The following FAM90A20 variants were observed in gnomAD, a reference collection of about 807,000 sequenced individuals.
The protein encoded by FAM90A20 is protein FAM90A20.
the FAM90A20 span, chr8:7,297,465 G>C: frequency 6.5e-7 from 1 of 1,548,338 alleles, no homozygotes; most frequent in Admixed American, 1.7e-5. Flanking sequence ...CACAGCTTGG[G>C]CCTAGGCTCC....
the FAM90A20 span, chr8:7,297,039 C>T: frequency 6.8e-7 from 1 of 1,473,044 alleles, no homozygotes; most frequent in Non-Finnish European, 9.0e-7. Flanking sequence ...AACTTCTAAC[C>T]TGTGTTGTTT....
At chr8:7,297,094 C>G in the FAM90A20 span, 35 of 1,508,172 alleles carry the variant, frequency 2.3e-5, 4 homozygotes, top group South Asian at 2.9e-4. Flanking sequence ...TCCACACAAC[C>G]TGTAAGAGGC....
At chr8:7,297,788 G>T in the FAM90A20 span, 316 of 1,319,624 alleles carry the variant, frequency 2.4e-4, 24 homozygotes, top group Non-Finnish European at 2.8e-4. Context: ...GGCCAGCCAT[G>T]ATGGGGCCCA....
At chr8:7,297,460 C>G in the FAM90A20 span, 1 of 1,549,158 alleles carries the variant, frequency 6.5e-7, no homozygotes, top group Non-Finnish European at 8.7e-7. Flanking sequence ...CCACACACAG[C>G]TTGGGCCTAG....
At chr8:7,295,653 C>A in the FAM90A20 span, 4 of 696,970 alleles carry the variant, frequency 5.7e-6, no homozygotes, top group Non-Finnish European at 9.9e-6. Flanking sequence ...AACTGCGGGG[C>A]CTTTGGCCAC....
chr8:7,297,324 G>C, the FAM90A20 span: 1 of 1,362,210 alleles, frequency 7.3e-7, no homozygotes, highest in East Asian at 2.3e-5. Context: ...ACACACAGCA[G>C]CCCTGAGGGT....
chr8:7,297,059 C>A, the FAM90A20 span: 7 of 1,499,286 alleles, frequency 4.7e-6, no homozygotes. Context: ...TCCTCTCTTT[C>A]AGGTTGCAAG....
chr8:7,297,096 G>A, the FAM90A20 span: 1 of 1,503,282 alleles, frequency 6.7e-7, no homozygotes, highest in South Asian at 1.1e-5. Context: ...CACACAACCT[G>A]TAAGAGGCCG....
the FAM90A20 span, chr8:7,297,652 A>G: frequency 4.3e-6 from 6 of 1,397,440 alleles, 1 homozygote; most frequent in Non-Finnish European, 5.9e-6. Context: ...CCGAACTTGG[A>G]CCAAGTAGGT....
chr8:7,297,324 G>T, the FAM90A20 span: 6 of 1,362,146 alleles, frequency 4.4e-6, no homozygotes, highest in Admixed American at 1.7e-5. Flanking sequence ...ACACACAGCA[G>T]CCCTGAGGGT....
the FAM90A20 span, among the ~76,000 whole-genome samples, chr8:7,296,132 G>A: frequency 1.5e-5 from 2 of 131,260 alleles, no homozygotes; most frequent in South Asian, 4.4e-4. Flanking sequence ...TGGAGGATGG[G>A]AAGGTTGGCA....
At chr8:7,296,265 G>T in the FAM90A20 span, 256 of 709,000 alleles carry the variant, frequency 3.6e-4, 28 homozygotes, top group East Asian at 5.6e-3. Flanking sequence ...AGGGGGCACG[G>T]CCTGACCTTT....
the FAM90A20 span, chr8:7,297,764 T>C: frequency 4.1e-6 from 6 of 1,473,062 alleles, no homozygotes; most frequent in East Asian, 4.5e-5. Flanking sequence ...CTGCACCATG[T>C]CCCATCACCC....
chr8:7,297,914 C>A, the FAM90A20 span: 1 of 726,830 alleles, frequency 1.4e-6, no homozygotes. Context: ...TCAGAGCCCT[C>A]ATGTGTCAGA....
At chr8:7,297,395 A>C in the FAM90A20 span, 497,973 of 1,520,086 alleles carry the variant, frequency 0.33, 112,331 homozygotes, top group Non-Finnish European at 0.34. Context: ...GGCCGTCAGA[A>C]CCCAGGCACA....
At chr8:7,296,547 T>G in the FAM90A20 span, 178 of 607,406 alleles carry the variant, frequency 2.9e-4, 10 homozygotes, top group Middle Eastern at 1.3e-3. Flanking sequence ...CAGGTCAGTT[T>G]GATTCCAGGC....
At chr8:7,297,256 C>G in the FAM90A20 span, 15 of 1,440,380 alleles carry the variant, frequency 1.0e-5, 5 homozygotes, top group African/African-American at 2.5e-4. Flanking sequence ...CTGCCGCCGA[C>G]ATCCCTCGGC....
At chr8:7,296,359 A>C in the FAM90A20 span, 1 of 746,786 alleles carries the variant, frequency 1.3e-6, no homozygotes, top group Non-Finnish European at 2.4e-6. Context: ...GCCGCTGCCG[A>C]ATGGAAAAGG....
the FAM90A20 span, chr8:7,296,330 C>T: frequency 1.3e-6 from 1 of 742,454 alleles, no homozygotes; most frequent in Admixed American, 1.8e-5. Context: ...CACATGTTTT[C>T]CGGGAAACCT....
Sources: allele counts gnomAD v4.1 joint callset (sites outside exome capture counted in the v4.1 genomes callset), GRCh38; gene constraint gnomAD v4.1.1; transcripts MANE v1.5; gene names NCBI Gene and HGNC (gene_info 2026-07-23, HGNC 2026-07-21).